Variants in AKAP7 observed in about 807,000 individuals in gnomAD.
AKAP7 encodes A-kinase anchoring protein 7.
Under a neutral mutation model 39.5 loss-of-function variants are expected in AKAP7, and 39 were observed. The ratio of observed to expected loss-of-function variants is 0.99; its 90% CI spans 0.76 to 1.29. The LOEUF is 1.29. AKAP7 is among the 50% of genes most tolerant of loss of function. AKAP7 has a pLI of 0.00. For synonymous variants in AKAP7, 140 were observed against 139.1 expected (o/e 1.01, Z -0.05); for missense variants, 414 against 407.7 (o/e 1.02, Z -0.13).
At chr6:131,157,973 T>C (rs1342507281) in intron 2 of AKAP7, among the ~76,000 whole-genome samples, 1 of 152,228 alleles carries the variant, frequency 6.6e-6, no homozygotes, top group Non-Finnish European at 1.5e-5. Flanking sequence ...CTTACAAATA[T>C]ATGTTGTGGA....
At chr6:131,203,646 A>G (rs1807824425) in intron 6 of AKAP7, among the ~76,000 whole-genome samples, 1 of 152,204 alleles carries the variant, frequency 6.6e-6, no homozygotes, top group African/African-American at 2.4e-5. Context: ...TCCTCCCAAC[A>G]GAATGTCTCT....
At position 131,281,982 on chromosome 6, in the gene AKAP7, C is replaced by A; in HGVS notation, c.*256C>A. The A allele has an allele frequency of 8.4e-7, 1 of 1,188,428 alleles. No homozygotes were observed. The allele number at this position is 1,188,428 out of a possible 1,614,324, so 73.6% of individuals were successfully genotyped here. On this transcript the variant is annotated 3_prime_UTR_variant, in exon 8 of 8. Coordinates refer to ENST00000431975, the MANE Select transcript of AKAP7 (RefSeq NM_016377.4). This position sits in a 1 kb window ranked among gnomAD's most constrained non-coding sequence, Gnocchi z 4.0. ...AGTTTCATTCGCCCTCAGCCACGCA[C>A]AAGGGAAAGGGAACTTTGGGTTATG...
intron 2 of AKAP7, among the ~76,000 whole-genome samples, chr6:131,148,664 G>A (rs1801670333): frequency 2.0e-5 from 3 of 152,170 alleles, no homozygotes; most frequent in Non-Finnish European, 4.4e-5. Context: ...GGAACAAATA[G>A]TACAATTCTT....
chr6:131,253,161 G>A (rs537670898), intron 7 of AKAP7: 134 of 1,504,194 alleles, frequency 8.9e-5, no homozygotes, highest in African/African-American at 3.3e-4. Flanking sequence ...TGCTTTTGCC[G>A]TTTGGTGGTG....
At chr6:131,145,233 A>T in intron 1 of AKAP7, 52 bp from the exon 2 acceptor site, 2 of 1,225,364 alleles carry the variant, frequency 1.6e-6, no homozygotes, top group Non-Finnish European at 2.1e-6. Context: ...GGATATGTTT[A>T]AATAATGACA....
the AKAP7 span, among the ~76,000 whole-genome samples, chr6:131,125,924 T>C: frequency 6.6e-6 from 1 of 152,188 alleles, no homozygotes; most frequent in Non-Finnish European, 1.5e-5. Context: ...ACAGTTTAAT[T>C]TGGTCTTGAA....
chr6:131,171,392 T>C (rs1804032208), intron 5 of AKAP7, among the ~76,000 whole-genome samples: 1 of 152,124 alleles, frequency 6.6e-6, no homozygotes, highest in Non-Finnish European at 1.5e-5. Flanking sequence ...GTTTTCTGGT[T>C]GGACAAATTG....
At chr6:131,158,825 C>T (rs1802660869) in intron 2 of AKAP7, among the ~76,000 whole-genome samples, 1 of 150,450 alleles carries the variant, frequency 6.6e-6, no homozygotes, top group African/African-American at 2.5e-5. Context: ...GTATTTTGAA[C>T]AGTAAACTAC....
intron 6 of AKAP7, among the ~76,000 whole-genome samples, chr6:131,215,825 TAAC>T (rs1437536853): frequency 6.6e-6 from 1 of 152,252 alleles, no homozygotes; most frequent in Non-Finnish European, 1.5e-5. Context: ...TGTTCTTCTT[TAAC>T]CAGCCTATGC....
intron 5 of AKAP7, among the ~76,000 whole-genome samples, chr6:131,175,736 A>C (rs1300540169): frequency 6.6e-6 from 1 of 152,148 alleles, no homozygotes; most frequent in Admixed American, 6.5e-5. Context: ...CACATTTGAG[A>C]TATGCGCTCT....
In AKAP7 at chr6:131,281,712, A is replaced by C. The variant is rs2128341623; in HGVS notation, c.1033A>C (p.Asn345His). 6.2e-7 allele frequency: 1 copy of C among 1,605,524 alleles called. No homozygotes were observed. The highest frequency in any genetic ancestry group is 1.3e-5 in the African/African-American group (1 of 74,576). ...TGATCAGAATGGCAATGACAATGAG[A>C]ACAACAGGAAATGAGCCCGGAACGC... is the stretch of plus-strand genomic sequence containing the variant. ...AADQNGNDNE[N>H]NRK is the part of the protein sequence containing the mutation. Residue 345 changes from asparagine to histidine, a missense_variant, in exon 8 of 8, where the codon AAC becomes CAC. Coordinates refer to ENST00000431975, the MANE Select transcript of AKAP7 (RefSeq NM_016377.4). The surrounding 1 kb of genome is among the most constrained non-coding windows in gnomAD (Gnocchi z 4.0).
chr6:131,273,726 T>G (rs1030541176), intron 7 of AKAP7, among the ~76,000 whole-genome samples: 7 of 152,206 alleles, frequency 4.6e-5, no homozygotes, highest in African/African-American at 1.7e-4. Flanking sequence ...TACTTACGTA[T>G]GTACAGTTTT....
intron 7 of AKAP7, among the ~76,000 whole-genome samples, chr6:131,220,069 T>C (rs552714488): frequency 6.6e-6 from 1 of 152,336 alleles, no homozygotes; most frequent in East Asian, 1.9e-4. Flanking sequence ...AATATTGATT[T>C]AGAAATCATT....
chr6:131,276,694 A>G (rs1585228793), intron 7 of AKAP7, among the ~76,000 whole-genome samples: 1 of 152,168 alleles, frequency 6.6e-6, no homozygotes, highest in East Asian at 1.9e-4. Flanking sequence ...AGCAAGTGAG[A>G]ACTTTTAATG....
In AKAP7 at chr6:131,145,428, A is replaced by G; in HGVS notation, c.151+12A>G. On this transcript the variant is annotated intron_variant, in intron 2 of 7. Coordinates refer to ENST00000431975, the MANE Select transcript of AKAP7 (RefSeq NM_016377.4). ...GGATGACTGTGGAAGTAAGTACTTT[A>G]TTAAGTAAACGCGTATTTAGAAGCA... 1 of 1,436,236 alleles carries G rather than the reference A, an allele frequency of 7.0e-7. No individual in the cohort carries two copies. The allele number at this position is 1,436,236 out of a possible 1,614,324, so 89.0% of individuals were successfully genotyped here.
intron 7 of AKAP7, among the ~76,000 whole-genome samples, chr6:131,273,432 T>C (rs1814458591): frequency 6.6e-6 from 1 of 152,222 alleles, no homozygotes; most frequent in South Asian, 2.1e-4. Flanking sequence ...TATTTTGTAT[T>C]AAGGAGTTTT....
At chr6:131,224,707 TTGTAA>T (rs543751917) in intron 7 of AKAP7, among the ~76,000 whole-genome samples, 7,113 of 149,384 alleles carry the variant, frequency 0.048, 501 homozygotes, top group African/African-American at 0.15. Context: ...TATGCTACGT[TTGTAA>T]AGTTTCCAGT....
At chr6:131,186,809 C>T (rs1228645465) in intron 5 of AKAP7, among the ~76,000 whole-genome samples, 1 of 152,160 alleles carries the variant, frequency 6.6e-6, no homozygotes, top group Non-Finnish European at 1.5e-5. Flanking sequence ...TTAATGAAGG[C>T]AGACCTCTTG....
rs144597168 is a variant in AKAP7, at chr6:131,169,049, C to A, written c.429-64C>A. 8.7e-4 allele frequency: 1,188 copies of A among 1,372,964 alleles called. 10 individuals are homozygous for A. The African/African-American group carries it at 0.015, about 17-fold the overall frequency. 85.0% of individuals were successfully genotyped at this position (1,372,964 alleles called of 1,614,324 possible). A position where few individuals can be genotyped will look rare whatever the true frequency, so the allele number is the denominator to read the frequency against. ...TCTTTCTAAAACTGGTACTTTGTATCTTATTTGGTTTTGTATATTTTATTA... is the reference window on the plus strand; with the variant it reads ...TCTTTCTAAAACTGGTACTTTGTATATTATTTGGTTTTGTATATTTTATTA... On this transcript the variant is annotated intron_variant, in intron 4 of 7. Transcript: ENST00000431975.
Sources: gnomAD v4.1 joint callset for allele counts (sites outside exome capture counted in the v4.1 genomes callset) on GRCh38, gnomAD v4.1.1 for gene constraint, Gnocchi (gnomAD v3.1) non-coding constraint, MANE v1.5 for transcripts, NCBI Gene and HGNC (gene_info 2026-07-23, HGNC 2026-07-21) for gene names.